The following BCOR variants were observed in gnomAD, a reference collection of about 807,000 sequenced individuals.
The protein encoded by BCOR is BCL-6 corepressor.
In BCOR, 10 loss-of-function variants were observed where a neutral mutation model predicts 86.7. The ratio of observed to expected loss-of-function variants is 0.12; its 90% confidence interval spans 0.07 to 0.20. The LOEUF is 0.20. BCOR is among the 10% of genes least tolerant of loss of function. The pLI is 1.00. For missense variants in BCOR, 1,259 were observed against 1,452.1 expected, an observed-to-expected ratio of 0.87 and a Z score of 2.16; for synonymous variants, 611 against 609.0, an observed-to-expected ratio of 1.00 and a Z score of -0.05.
At chrX:40,061,333 G>C (rs1934856188) in intron 10 of BCOR, among the ~76,000 whole-genome samples, 1 of 111,647 alleles carries the variant, frequency 9.0e-6, no homozygotes, top group African/African-American at 3.3e-5. Context: ...CGAGTTTGGG[G>C]GGATGGGGGG....
rs920090586 is a variant in BCOR at position 40,075,114 on chromosome X, T to C, written c.232A>G (p.Ile78Val). The change falls in exon 4 of 15, where the codon ATC becomes GTC. Residue 78 changes from isoleucine to valine, a missense_variant. Physicochemically the swap from Ile to Val is conservative, Grantham distance 29. This residue lies in a region of BCOR where 174 missense variants were observed against 189.3 expected (regional missense o/e 0.92). Coordinates refer to ENST00000378444, the MANE Select transcript of BCOR (RefSeq NM_001123385.2). The part of the protein sequence containing the change: ...AALSMDRTGL[I>V]REGLRVPGNI... ...CCCGGGACCCGCAGCCCTTCCCGGA[T>C]CAGGCCAGTGCGGTCCATGCTCAGT... is the stretch of plus-strand genomic sequence containing the variant. The C allele has an allele frequency of 1.2e-5, 14 of 1,210,301 alleles. No individual in the cohort carries two copies. The highest frequency in any genetic ancestry group is 1.7e-5 in the African/African-American group (1 of 57,586).
chrX:40,095,698 A>T (rs948325306), intron 1 of BCOR, among the ~76,000 whole-genome samples: 1 of 111,776 alleles, frequency 8.9e-6, no homozygotes, highest in African/African-American at 3.2e-5. Flanking sequence ...TTGTTTCTAA[A>T]TACACATAAC....
intron 1 of BCOR, among the ~76,000 whole-genome samples, chrX:40,136,438 C>T (rs1285236828): frequency 1.8e-5 from 2 of 112,196 alleles, no homozygotes; most frequent in Non-Finnish European, 3.8e-5. Flanking sequence ...AACCTACCAT[C>T]TAAAAGAACA....
chrX:40,103,380 T>TC (rs1036223900), intron 1 of BCOR, among the ~76,000 whole-genome samples: 2 of 109,292 alleles, frequency 1.8e-5, no homozygotes, highest in African/African-American at 6.7e-5. Context: ...TAGCCTTGCA[T>TC]CCCCCCCTCC....
In BCOR at chrX:40,139,446, A is replaced by ATAC. The variant is rs35673283; in HGVS notation, c.-41+37560_-41+37561insGTA. 5.7e-4 allele frequency among the ~76,000 whole-genome samples: 3 copies of ATAC among 5,219 alleles called. 1 individual carries two copies. Among genetic ancestry groups the ATAC allele is most frequent in the South Asian group, 0.017 (2 of 120 alleles). The allele number at this position is 5,219 out of a possible 115,157, so 4.5% of individuals were successfully genotyped here. A position where few individuals can be genotyped will look rare whatever the true frequency, so the allele number is the denominator to read the frequency against. ...TATACATATATATATATATATATAT[A>ATAC]ATATATATACATATATATATATATA... On this transcript the variant is annotated intron_variant, in intron 1 of 14. Coordinates refer to the BCOR transcript ENST00000342274.
rs1934294951 is a variant in BCOR at position 40,051,394 on chromosome X, A to AT, written c.*714dup. The AT allele has an allele frequency of 5.9e-6, 1 of 170,237 alleles. No homozygotes were observed. The highest frequency in any genetic ancestry group is 1.1e-5 in the Non-Finnish European group (1 of 88,869). 14.0% of individuals were successfully genotyped at this position (170,237 alleles called of 1,213,427 possible). On this transcript the variant is annotated 3_prime_UTR_variant, in exon 15 of 15. Coordinates refer to ENST00000378444, the MANE Select transcript of BCOR (RefSeq NM_001123385.2). ...TTCAGAAAATTTTAGTTTTATGTAC[A>AT]TTTCCAAGCAACCTCAACATATTAT...
chrX:40,084,807 G>T (rs944213929), intron 1 of BCOR, among the ~76,000 whole-genome samples: 1 of 107,347 alleles, frequency 9.3e-6, no homozygotes, highest in African/African-American at 3.4e-5. Flanking sequence ...AACTTTTAAT[G>T]CATAAAAGAT....
At chrX:40,058,322 C>G (rs1439667203) in intron 10 of BCOR, among the ~76,000 whole-genome samples, 1 of 112,072 alleles carries the variant, frequency 8.9e-6, no homozygotes, top group Non-Finnish European at 1.9e-5. Flanking sequence ...CACCAGACAA[C>G]AGGTTACACT....
intron 6 of BCOR, among the ~76,000 whole-genome samples, chrX:40,066,574 A>G (rs1158497016): frequency 1.8e-5 from 2 of 111,439 alleles, no homozygotes; most frequent in African/African-American, 3.3e-5. Context: ...TAGCCCTGAT[A>G]TTTATGAAAG....
Position 40,052,268 on chromosome X carries a change from T to C in BCOR, c.5109A>G (p.Ala1703=), listed in dbSNP as rs760853225. 3.3e-6 allele frequency: 4 copies of C among 1,211,933 alleles called. No homozygotes were observed. The highest frequency in any genetic ancestry group is 3.3e-6 in the Non-Finnish European group (3 of 895,548). Reference sequence around the variant, plus strand: ...CTTTGGAGCAAGAGAACAAGAGACTTGCAGAAACCTGCCGATAAAATTCTG... The same window carrying C: ...CTTTGGAGCAAGAGAACAAGAGACTCGCAGAAACCTGCCGATAAAATTCTG... ...AEAEFYRQVS[A]SLLFSCSKDL... The change falls in exon 15 of 15, where the codon GCA becomes GCG. Residue 1703 remains alanine, a synonymous_variant. Coordinates refer to ENST00000378444, the MANE Select transcript of BCOR (RefSeq NM_001123385.2).
chrX:40,051,996 AAG>A lies in BCOR; in HGVS notation c.*111_*112del, dbSNP rs1490837386. 6 of 690,720 alleles carry A rather than the reference AAG, an allele frequency of 8.7e-6. No homozygotes were observed. The highest frequency in any genetic ancestry group is 2.2e-5 in the African/African-American group (1 of 45,494). 56.9% of individuals were successfully genotyped at this position (690,720 alleles called of 1,213,427 possible). On this transcript the variant is annotated 3_prime_UTR_variant, in exon 15 of 15. Coordinates refer to ENST00000378444, the MANE Select transcript of BCOR (RefSeq NM_001123385.2). ...CTGGAGTAATTTCTCTTATATAAAGAAGAGATATTTTCATATGTAATAGTGTC... is the reference window on the plus strand; with the variant it reads ...CTGGAGTAATTTCTCTTATATAAAGAAGATATTTTCATATGTAATAGTGTC...
intron 1 of BCOR, among the ~76,000 whole-genome samples, chrX:40,108,967 A>G (rs1019955529): frequency 8.9e-6 from 1 of 112,759 alleles, no homozygotes; most frequent in East Asian, 2.8e-4. Flanking sequence ...AAGGAGGCCG[A>G]CTGGAGACGG....
intron 1 of BCOR, among the ~76,000 whole-genome samples, chrX:40,120,061 G>A (rs991790569): frequency 4.6e-5 from 5 of 107,585 alleles, no homozygotes; most frequent in Admixed American, 3.0e-4. Flanking sequence ...GGGGAGGAGC[G>A]GGGTGAGAGT....
intron 1 of BCOR, among the ~76,000 whole-genome samples, chrX:40,155,653 G>A (rs775681997): frequency 4.4e-5 from 5 of 112,436 alleles, no homozygotes; most frequent in African/African-American, 1.6e-4. Flanking sequence ...GTGGGGGGGG[G>A]AAAGACCCTC....
intron 10 of BCOR, among the ~76,000 whole-genome samples, chrX:40,061,761 T>C (rs1347593237): frequency 9.6e-6 from 1 of 103,689 alleles, no homozygotes; most frequent in Non-Finnish European, 2.0e-5. Flanking sequence ...CAGCCCCAGA[T>C]AGAGCTAATA....
At chrX:40,069,454 G>A (rs763151274) in intron 6 of BCOR, among the ~76,000 whole-genome samples, 3 of 112,119 alleles carry the variant, frequency 2.7e-5, no homozygotes, top group South Asian at 3.7e-4. Flanking sequence ...CTCCCCATTG[G>A]CCACACCGAG....
At chrX:40,076,653 GC>G in intron 2 of BCOR, 121 bp from the exon 3 acceptor site, 1 of 506,636 alleles carries the variant, frequency 2.0e-6, no homozygotes, top group South Asian at 2.5e-5. Flanking sequence ...TTAACCCTCC[GC>G]CCCCACCAGC....
rs375139386 is a variant in BCOR, at chrX:40,052,187, C to T, written c.5190G>A (p.Thr1730=). Reference sequence around the variant, plus strand: ...AGCCCAGCAGAGTCTGAATTTCGTTCGTGAATTCCACCAGATCTAACAGCT... The same window carrying T: ...AGCCCAGCAGAGTCTGAATTTCGTTTGTGAATTCCACCAGATCTAACAGCT... ...SKELLDLVEF[T]NEIQTLLGSS... The change falls in exon 15 of 15, where the codon ACG becomes ACA. Residue 1730 remains threonine, a synonymous_variant. Transcript: ENST00000378444. 2.3e-4 allele frequency: 273 copies of T among 1,209,128 alleles called. No individual in the cohort carries two copies. The highest frequency in any genetic ancestry group is 9.1e-4 in the Middle Eastern group (4 of 4,374).
chrX:40,098,488 C>T (rs1390928439), upstream of BCOR, among the ~76,000 whole-genome samples: 2 of 111,528 alleles, frequency 1.8e-5, no homozygotes, highest in African/African-American at 6.5e-5. Flanking sequence ...GCGGGGGCGG[C>T]TCTCCCAGCC....
Sources: gnomAD v4.1 joint callset for allele counts (sites outside exome capture counted in the v4.1 genomes callset) on GRCh38, gnomAD v4.1.1 for gene constraint, gnomAD v4.1.1 regional missense constraint, MANE v1.5 for transcripts, NCBI Gene and HGNC (gene_info 2026-07-23, HGNC 2026-07-21) for gene names.